Variants in UNKL observed in about 807,000 individuals in gnomAD.
UNKL encodes putative E3 ubiquitin-protein ligase UNKL.
Under a neutral mutation model 78.0 loss-of-function variants are expected in UNKL, and 60 were observed. The observed-to-expected ratio is 0.77, with a 90% CI of 0.63 to 0.95. UNKL has a LOEUF of 0.95. Among genes scored for constraint, UNKL ranks in the 40% least tolerant of loss-of-function variants. The pLI, the probability that UNKL is intolerant of heterozygous loss-of-function variation, is 0.00. For missense variants in UNKL, 1,159 were observed against 1,045.7 expected, an observed-to-expected ratio of 1.11 and a Z score of -1.49; for synonymous variants, 608 against 474.8, an observed-to-expected ratio of 1.28 and a Z score of -3.65.
At chr16:1,367,505 C>CCCCT in intron 13 of UNKL, 151 bp downstream of exon 13, 1 of 717,992 alleles carries the variant, frequency 1.4e-6, no homozygotes. Context: ...TCCCTCCCTC[C>CCCCT]CTCCCTCCCC....
intron 2 of UNKL, chr16:1,406,132 A>T: frequency 2.2e-6 from 1 of 445,510 alleles, no homozygotes; most frequent in Admixed American, 2.4e-5. Context: ...GGACGCAGGC[A>T]TAGGTGGGGG....
Position 1,399,460 on chromosome 16 carries a change from C to A in UNKL, c.648G>T (p.Pro216=), listed in dbSNP as rs780587915. Residue 216 remains proline (P), a synonymous_variant, in exon 5 of 15, where the codon CCG becomes CCT. Transcript: ENST00000389221. The surrounding 1 kb of genome is among the most constrained non-coding windows in gnomAD (Gnocchi z 5.8). ...CATAGCCCTGGCGGCACAGGCGTGG[C>A]GGCTTCGGGCACTGCTCCGTCTTGT... ...GSYKTEQCPK[P]PRLCRQGYAC... 6.2e-7 allele frequency: 1 copy of A among 1,601,952 alleles called. No individual in the cohort carries two copies. Among genetic ancestry groups the A allele is most frequent in the Non-Finnish European group, 8.5e-7 (1 of 1,175,178 alleles).
In UNKL at chr16:1,364,140, T is replaced by A. The variant is rs567824207; in HGVS notation, c.*2100A>T. 7.2e-5 allele frequency: 11 copies of A among 152,302 alleles called. No individual in the cohort carries two copies. The highest frequency in any genetic ancestry group is 1.2e-4 in the Non-Finnish European group (8 of 68,020). 9.4% of individuals were successfully genotyped at this position (152,302 alleles called of 1,614,324 possible). ...GACAGTAGCACAAAATATACGTAAT[T>A]TCTAGATACTGAGCTAATAAATCAC... On this transcript the variant is annotated 3_prime_UTR_variant, in exon 15 of 15. Coordinates refer to ENST00000389221, the MANE Select transcript of UNKL (RefSeq NM_001372107.1).
At chr16:1,368,658 T>A (rs906715989) in intron 12 of UNKL, among the ~76,000 whole-genome samples, 2 of 149,058 alleles carry the variant, frequency 1.3e-5, no homozygotes, top group Non-Finnish European at 3.0e-5. Flanking sequence ...CCCAGCACTT[T>A]GGGAGGTCGA....
In UNKL at chr16:1,371,619, C is replaced by T. The variant is rs1456637574; in HGVS notation, c.1265-8G>A. ...GCAGGTCTAACGCAGAACCTGTCAA[C>T]AGAGCCCCCCATCATCCACAGCCCA... On this transcript the variant is annotated splice_region_variant and splice_polypyrimidine_tract_variant and intron_variant, in intron 10 of 14. Transcript: ENST00000389221. The T allele has an allele frequency of 6.5e-7, 1 of 1,535,796 alleles. No homozygotes were observed. The highest frequency in any genetic ancestry group is 1.4e-5 in the African/African-American group (1 of 73,048).
intron 2 of UNKL, among the ~76,000 whole-genome samples, chr16:1,411,118 C>T (rs1394290206): frequency 1.3e-5 from 2 of 151,878 alleles, no homozygotes; most frequent in African/African-American, 4.8e-5. Flanking sequence ...TGGGAGGCTG[C>T]GGTGGGAGGA....
At position 1,367,341 on chromosome 16, in the gene UNKL, A is replaced by G. The variant is rs1399037668; in HGVS notation, c.1797T>C (p.Asp599=). 1.3e-6 allele frequency: 2 copies of G among 1,542,560 alleles called. No individual in the cohort carries two copies. Among genetic ancestry groups the G allele is most frequent in the Non-Finnish European group, 1.7e-6 (2 of 1,148,770 alleles). Residue 599 remains aspartate (D), a synonymous_variant, in exon 14 of 15, where the codon GAT becomes GAC. Transcript: ENST00000389221. ...CCTCCTGCGCCTCTCGCTGCCAGGC[A>G]TCGCAGACCTGAAACCCAGGGCCCG... ...ESWQQVKQVC[D]AWQREAQEAK... is the part of the protein sequence containing the mutation.
rs1354106401 is a variant in UNKL at position 1,387,751 on chromosome 16, CG to C, written c.1087-2367del. 3.3e-5 allele frequency among the ~76,000 whole-genome samples: 5 copies of C among 151,912 alleles called. No individual in the cohort carries two copies. The highest frequency in any genetic ancestry group is 7.4e-5 in the Non-Finnish European group (5 of 67,936). On this transcript the variant is annotated intron_variant, in intron 9 of 14. Coordinates refer to ENST00000389221, the MANE Select transcript of UNKL (RefSeq NM_001372107.1). The surrounding 1 kb of genome is among the most constrained non-coding windows in gnomAD (Gnocchi z 4.1). ...GCACGGCTGCCCGGCCCTCCGGGGA[CG>C]TGGACACTGCACCGCCGCACGGCTG...
rs2035701827 is a variant in UNKL at position 1,370,353 on chromosome 16, G to A, written c.1362C>T (p.Pro454=). 1 of 1,532,632 alleles carries A rather than the reference G, an allele frequency of 6.5e-7. No homozygotes were observed. The highest frequency in any genetic ancestry group is 8.7e-7 in the Non-Finnish European group (1 of 1,145,970). 94.9% of individuals were successfully genotyped at this position (1,532,632 alleles called of 1,614,324 possible). Residue 454 remains proline (P), a synonymous_variant, in exon 12 of 15, where the codon CCC becomes CCT. Coordinates refer to ENST00000389221, the MANE Select transcript of UNKL (RefSeq NM_001372107.1). ...QDGHDLGAAG[P]RSLAGSAPVA... is the part of the protein sequence containing the mutation. ...CAGGTGCAGAGCCGGCCAGCGACCTGGGACCTGGCGGGGGCGGACCAGTCA... is the reference window on the plus strand; with the variant it reads ...CAGGTGCAGAGCCGGCCAGCGACCTAGGACCTGGCGGGGGCGGACCAGTCA...
At chr16:1,369,927 A>C in intron 12 of UNKL, 1 of 1,545,252 alleles carries the variant, frequency 6.5e-7, no homozygotes, top group Non-Finnish European at 8.7e-7. Flanking sequence ...GCGAGCCGAG[A>C]TCGTACCATT....
At chr16:1,370,903 G>A (rs1249513928) in intron 11 of UNKL, among the ~76,000 whole-genome samples, 7 of 152,128 alleles carry the variant, frequency 4.6e-5, no homozygotes, top group African/African-American at 1.4e-4. Context: ...CTAACATGGT[G>A]AAACCCCGTC....
chr16:1,367,408 C>G lies in UNKL; in HGVS notation c.1789-59G>C. On this transcript the variant is annotated intron_variant, in intron 13 of 14. Coordinates refer to ENST00000389221, the MANE Select transcript of UNKL (RefSeq NM_001372107.1). ...CTCACCTGTGCCACCTGCAGACCCTCTTGCCTGTGTCACCAGCGATCCTCC... is the reference window on the plus strand; with the variant it reads ...CTCACCTGTGCCACCTGCAGACCCTGTTGCCTGTGTCACCAGCGATCCTCC... 3 of 1,488,006 alleles carry G rather than the reference C, an allele frequency of 2.0e-6. No homozygotes were observed. The East Asian group carries it at 7.4e-5, about 37-fold the overall frequency. The allele number at this position is 1,488,006 out of a possible 1,614,324, so 92.2% of individuals were successfully genotyped here.
chr16:1,387,900 G>A lies in UNKL; in HGVS notation c.1087-2515C>T, dbSNP rs566177189. On this transcript the variant is annotated intron_variant, in intron 9 of 14. Coordinates refer to ENST00000389221, the MANE Select transcript of UNKL (RefSeq NM_001372107.1). The surrounding 1 kb of genome is among the most constrained non-coding windows in gnomAD (Gnocchi z 4.1). Reference sequence around the variant, plus strand: ...CGGTCCCTACACACAAGCTGCCCCTGCTCAGTCAGGCTGAGGTTCCCCATG... The same window carrying A: ...CGGTCCCTACACACAAGCTGCCCCTACTCAGTCAGGCTGAGGTTCCCCATG... Among the ~76,000 whole-genome samples the A allele has an allele frequency of 4.0e-5, 6 of 151,214 alleles. No homozygotes were observed. Among genetic ancestry groups the A allele is most frequent in the South Asian group, 2.1e-4 (1 of 4,800 alleles).
chr16:1,391,963 C>T (rs1378036417), intron 8 of UNKL, among the ~76,000 whole-genome samples: 1 of 152,218 alleles, frequency 6.6e-6, no homozygotes, highest in East Asian at 1.9e-4. Context: ...GCTGGGATTA[C>T]AGGCGTGAGC....
rs370420119 is a variant in UNKL, at chr16:1,390,583, C to T, written c.1086+49G>A. ...CAGGCACGAGGGCGGGAAGCCTCAG[C>T]CCTAACGCGACATCAGGCACGAGGG... On this transcript the variant is annotated intron_variant, in intron 9 of 14. Coordinates refer to ENST00000389221, the MANE Select transcript of UNKL (RefSeq NM_001372107.1). 1.5e-5 allele frequency: 23 copies of T among 1,528,320 alleles called. No individual in the cohort carries two copies. The South Asian group carries it at 2.6e-4, about 17-fold the overall frequency. 94.7% of individuals were successfully genotyped at this position (1,528,320 alleles called of 1,614,324 possible).
At chr16:1,388,049 C>G (rs926263442) in intron 9 of UNKL, among the ~76,000 whole-genome samples, 1 of 152,188 alleles carries the variant, frequency 6.6e-6, no homozygotes, top group African/African-American at 2.4e-5. Context: ...CAGAGCATCA[C>G]CCAGGCCCAG....
chr16:1,394,603 C>G (rs201255890), intron 6 of UNKL: 2 of 435,556 alleles, frequency 4.6e-6, no homozygotes, highest in East Asian at 1.4e-4. Flanking sequence ...GACCCTTCAC[C>G]TAGGGTGACA....
At position 1,365,468 on chromosome 16, in the gene UNKL, T is replaced by C. The variant is rs538343591; in HGVS notation, c.*772A>G. On this transcript the variant is annotated 3_prime_UTR_variant, in exon 15 of 15. Transcript: ENST00000389221. ...AAACAGCGGCCACGGACCACAGAAATGCAGGACGGAGCTCTCCTGCTCCCA... is the reference window on the plus strand; with the variant it reads ...AAACAGCGGCCACGGACCACAGAAACGCAGGACGGAGCTCTCCTGCTCCCA... The C allele has an allele frequency of 1.3e-5, 2 of 152,524 alleles. No individual in the cohort carries two copies. Among genetic ancestry groups the C allele is most frequent in the East Asian group, 3.9e-4 (2 of 5,172 alleles). 9.4% of individuals were successfully genotyped at this position (152,524 alleles called of 1,614,324 possible).
intron 10 of UNKL, chr16:1,379,752 CA>C: frequency 1.2e-6 from 1 of 864,044 alleles, no homozygotes; most frequent in Non-Finnish European, 1.3e-6. Flanking sequence ...GCCCCCGTCG[CA>C]CTGGCCACGC....
Sources: allele counts gnomAD v4.1 joint callset (sites outside exome capture counted in the v4.1 genomes callset), GRCh38; gene constraint gnomAD v4.1.1; non-coding constraint Gnocchi (gnomAD v3.1); transcripts MANE v1.5; gene names NCBI Gene and HGNC (gene_info 2026-07-23, HGNC 2026-07-21).